Variants in DIP2C observed in about 807,000 individuals in gnomAD.
DIP2C encodes DIP2 acetate--CoA ligase C (putative).
DIP2C carries 33 observed loss-of-function variants against 192.4 expected under a neutral mutation model. The observed-to-expected ratio is 0.17, with a 90% confidence interval of 0.13 to 0.23. The LOEUF (loss-of-function observed/expected upper bound fraction) is 0.23, where lower values mean the gene tolerates loss of function less well. Ranked by LOEUF, DIP2C falls within the 10% of genes least tolerant of loss-of-function variation. The pLI is 1.00. For synonymous variants in DIP2C, 979 were observed against 864.1 expected, an observed-to-expected ratio of 1.13 and a Z score of -2.33; for missense variants, 1,537 against 2,110.1, an observed-to-expected ratio of 0.73 and a Z score of 5.32.
In DIP2C at chr10:327,014, A is replaced by C. The variant is rs111805959; in HGVS notation, c.3916T>G (p.Cys1306Gly). The change falls in exon 31 of 37, where the codon TGC becomes GGC. Residue 1306 changes from cysteine (C) to glycine (G), a missense_variant. Physicochemically the swap from Cys to Gly is radical, Grantham distance 159 (BLOSUM62 -3). Coordinates refer to ENST00000280886, the MANE Select transcript of DIP2C (RefSeq NM_014974.3). ...SFGCRVNLAICLQGTSGPDPT... is the reference protein window; with the variant it reads ...SFGCRVNLAIGLQGTSGPDPT... ...ATGTCGCCGAATCTCACCTGCAAGC[A>C]AATCGCCAGGTTCACCCTGCAACCG... The C allele has an allele frequency of 6.2e-7, 1 of 1,612,946 alleles. No homozygotes were observed. The highest frequency in any genetic ancestry group is 2.2e-5 in the East Asian group (1 of 44,868).
At chr10:660,232 A>G (rs1856669842) in intron 1 of DIP2C, among the ~76,000 whole-genome samples, 1 of 151,708 alleles carries the variant, frequency 6.6e-6, no homozygotes, top group Non-Finnish European at 1.5e-5. Flanking sequence ...CCCTGTTTCA[A>G]GTTCTGTGTA....
At chr10:599,497 C>A (rs1851920467) in intron 1 of DIP2C, among the ~76,000 whole-genome samples, 1 of 152,210 alleles carries the variant, frequency 6.6e-6, no homozygotes, top group African/African-American at 2.4e-5. Flanking sequence ...GTCACCACTT[C>A]CCAGTCGAAG....
chr10:551,122 A>G (rs976189029), intron 1 of DIP2C, among the ~76,000 whole-genome samples: 4 of 152,062 alleles, frequency 2.6e-5, no homozygotes, highest in Non-Finnish European at 5.9e-5. Context: ...CTCACTAGAC[A>G]CTGTGGCTCT....
intron 1 of DIP2C, among the ~76,000 whole-genome samples, chr10:608,130 AAC>A (rs543152867): frequency 2.1e-5 from 2 of 96,698 alleles, no homozygotes; most frequent in African/African-American, 1.8e-4. Context: ...ACACAGCCCC[AAC>A]ACACACACAG....
intron 9 of DIP2C, among the ~76,000 whole-genome samples, chr10:399,524 T>C (rs1388271379): frequency 6.6e-6 from 1 of 152,214 alleles, no homozygotes; most frequent in Non-Finnish European, 1.5e-5. Context: ...TGTTTCTCAC[T>C]AAGCTTTGTA....
At chr10:335,958 G>A (rs931129502) in intron 29 of DIP2C, among the ~76,000 whole-genome samples, 2 of 152,132 alleles carry the variant, frequency 1.3e-5, no homozygotes, top group Non-Finnish European at 2.9e-5. Flanking sequence ...GAGTGCAGTG[G>A]CGTGATCTCA....
At chr10:484,781 C>A in intron 2 of DIP2C, 2 of 1,610,348 alleles carry the variant, frequency 1.2e-6, no homozygotes, top group Non-Finnish European at 1.7e-6. Flanking sequence ...CAGCGCTCAC[C>A]GAAACGAAAG....
intron 18 of DIP2C, among the ~76,000 whole-genome samples, chr10:367,692 C>A (rs899954820): frequency 3.3e-5 from 5 of 152,230 alleles, no homozygotes; most frequent in Non-Finnish European, 5.9e-5. Flanking sequence ...GGAAATTCAC[C>A]AAACGGGGGG....
intron 1 of DIP2C, among the ~76,000 whole-genome samples, chr10:589,008 G>A (rs979947733): frequency 6.6e-6 from 1 of 152,208 alleles, no homozygotes; most frequent in Non-Finnish European, 1.5e-5. Context: ...TGGTGCTGAA[G>A]ACCTTCCATC....
chr10:596,184 G>A (rs1275099329), intron 1 of DIP2C, among the ~76,000 whole-genome samples: 1 of 152,118 alleles, frequency 6.6e-6, no homozygotes, highest in East Asian at 1.9e-4. Flanking sequence ...AGTAACCTAA[G>A]TATTGAACAA....
chr10:649,029 CAG>C, intron 1 of DIP2C, among the ~76,000 whole-genome samples: 1 of 149,242 alleles, frequency 6.7e-6, no homozygotes, highest in East Asian at 2.0e-4. Context: ...TGGGTGAGAA[CAG>C]AGGGAAACTG....
intron 1 of DIP2C, among the ~76,000 whole-genome samples, chr10:617,113 C>T (rs1042762295): frequency 6.6e-6 from 1 of 152,140 alleles, no homozygotes; most frequent in Non-Finnish European, 1.5e-5. Flanking sequence ...ACACCCAGAC[C>T]CCATGCAGAC....
intron 17 of DIP2C, among the ~76,000 whole-genome samples, chr10:375,745 C>G (rs1330450395): frequency 2.0e-5 from 3 of 152,182 alleles, no homozygotes; most frequent in African/African-American, 7.2e-5. Flanking sequence ...ACAAACACAT[C>G]AAGTAGTGAA....
At chr10:546,955 A>G (rs1848315515) in intron 1 of DIP2C, among the ~76,000 whole-genome samples, 1 of 152,212 alleles carries the variant, frequency 6.6e-6, no homozygotes, top group Admixed American at 6.5e-5. Context: ...TTTTCAGGCC[A>G]CACCTGCAAA....
At chr10:669,885 A>G (rs1857336683) in intron 1 of DIP2C, among the ~76,000 whole-genome samples, 1 of 152,260 alleles carries the variant, frequency 6.6e-6, no homozygotes, top group Non-Finnish European at 1.5e-5. Context: ...CACACAGTAC[A>G]GAACACTATC....
At chr10:523,018 A>C (rs1846807518) in intron 1 of DIP2C, among the ~76,000 whole-genome samples, 1 of 148,300 alleles carries the variant, frequency 6.7e-6, no homozygotes. Flanking sequence ...TGACACATAC[A>C]CTCATTTCTA....
chr10:623,184 C>A (rs1023412888), intron 1 of DIP2C, among the ~76,000 whole-genome samples: 6 of 152,120 alleles, frequency 3.9e-5, no homozygotes, highest in African/African-American at 1.4e-4. Context: ...CAGGAGGGGG[C>A]ACGGAGGCAG....
At chr10:532,610 GGT>G (rs1409444782) in intron 1 of DIP2C, among the ~76,000 whole-genome samples, 5 of 133,326 alleles carry the variant, frequency 3.8e-5, no homozygotes, top group South Asian at 5.0e-4. Flanking sequence ...AGAGAGTATG[GGT>G]GTGAGAGAGA....
chr10:309,956 A>G, intron 32 of DIP2C, 75 bp downstream of exon 32: 3 of 1,411,370 alleles, frequency 2.1e-6, no homozygotes, highest in South Asian at 1.2e-5. Context: ...CTTCTTCTAG[A>G]TGGAGACCTG....
Sources: gnomAD v4.1 joint callset for allele counts (sites outside exome capture counted in the v4.1 genomes callset) on GRCh38, gnomAD v4.1.1 for gene constraint, MANE v1.5 for transcripts, NCBI Gene and HGNC (gene_info 2026-07-23, HGNC 2026-07-21) for gene names.